The following MOGAT3 variants were observed in gnomAD, a reference collection of about 807,000 sequenced individuals.
The protein encoded by MOGAT3 is 2-acylglycerol O-acyltransferase 3.
In MOGAT3, 39 loss-of-function variants were observed where a neutral mutation model predicts 34.4. The ratio of observed to expected loss-of-function variants is 1.13; its 90% CI spans 0.88 to 1.48. The LOEUF is 1.48. Ranked by LOEUF, MOGAT3 falls within the 40% of genes most tolerant of loss-of-function variation. The probability of loss-of-function intolerance (pLI) is 0.00; values close to 1 mark genes in which losing one functional copy is unlikely to be tolerated. For synonymous variants in MOGAT3, 209 were observed against 179.2 expected, an observed-to-expected ratio of 1.17 and a Z score of -1.33; for missense variants, 439 against 438.9, an observed-to-expected ratio of 1.00 and a Z score of 0.00.
chr7:101,198,523 T>TGTCCTGG, intron 4 of MOGAT3, 103 bp downstream of exon 4: 1 of 1,304,822 alleles, frequency 7.7e-7, no homozygotes, highest in Non-Finnish European at 1.0e-6. Context: ...GGCTGGCCCC[T>TGTCCTGG]GTCCTGGGTG....
intron 3 of MOGAT3, 62 bp from the exon 4 acceptor site, chr7:101,198,892 G>T: frequency 6.9e-7 from 1 of 1,459,232 alleles, no homozygotes; most frequent in Non-Finnish European, 9.6e-7. Flanking sequence ...GAAAAGAGGG[G>T]CCCTCCACCC....
chr7:101,196,394 G>A lies in MOGAT3; in HGVS notation c.669-5C>T. 1 of 1,603,132 alleles carries A rather than the reference G, an allele frequency of 6.2e-7. No individual in the cohort carries two copies. The highest frequency in any genetic ancestry group is 8.5e-7 in the Non-Finnish European group (1 of 1,173,874). ...TACACGGGCACCAGGGACGCCCTGG[G>A]AAGGAGCAAGAGAGAAGAGGGGGCT... On this transcript the variant is annotated splice_region_variant and splice_polypyrimidine_tract_variant and intron_variant, in intron 5 of 6. Transcript: ENST00000223114.
Position 101,200,129 on chromosome 7 carries a change from C to T in MOGAT3, c.288+105G>A, listed in dbSNP as rs1287025288. 6 of 938,236 alleles carry T rather than the reference C, an allele frequency of 6.4e-6. No individual in the cohort carries two copies. The Admixed American group carries it at 9.0e-5, about 14-fold the overall frequency. The allele number at this position is 938,236 out of a possible 1,614,324, so 58.1% of individuals were successfully genotyped here. A position where few individuals can be genotyped will look rare whatever the true frequency, so the allele number is the denominator to read the frequency against. On this transcript the variant is annotated intron_variant, in intron 3 of 6. Coordinates refer to ENST00000223114, the MANE Select transcript of MOGAT3 (RefSeq NM_178176.4). ...TCCATTCCCTGTCCCACTGCCTGAG[C>T]TTAGGCAGCGGGGAGCTCAGGCCCC...
rs1470614671 is a variant in MOGAT3 at position 101,196,360 on chromosome 7, C to T, written c.698G>A (p.Gly233Glu). The T allele has an allele frequency of 6.2e-7, 1 of 1,613,328 alleles. No homozygotes were observed. The highest frequency in any genetic ancestry group is 8.5e-7 in the Non-Finnish European group (1 of 1,179,686). The stretch of plus-strand genomic sequence containing the variant: ...CTTAAGTCTAAAGATGTCATTCTCC[C>T]CAAAGGAGTACACGGGCACCAGGGA... ...GASLVPVYSF[G>E]ENDIFRLKAF... Residue 233 changes from glycine to glutamate, a missense_variant, in exon 6 of 7, where the codon GGG (glycine) becomes GAG (glutamate). Gly to Glu is a moderately conservative substitution (Grantham distance 98, BLOSUM62 -2). Transcript: ENST00000223114.
intron 5 of MOGAT3, among the ~76,000 whole-genome samples, chr7:101,197,307 C>T (rs980405049): frequency 1.4e-4 from 21 of 152,204 alleles, no homozygotes; most frequent in Non-Finnish European, 2.4e-4. Flanking sequence ...CTCAGCCTCC[C>T]GAATAGCTGA....
chr7:101,200,357 C>T lies in MOGAT3; in HGVS notation c.217+51G>A, dbSNP rs1264847119. 3.1e-6 allele frequency: 5 copies of T among 1,609,354 alleles called. No individual in the cohort carries two copies. The Admixed American group carries it at 8.3e-5, about 27-fold the overall frequency. On this transcript the variant is annotated intron_variant, in intron 2 of 6. Transcript: ENST00000223114. ...AACCCCCGGAGTCACCTCCCCTCACCCCCCATGTCCCCACCATCTCTGGCT... is the reference window on the plus strand; with the variant it reads ...AACCCCCGGAGTCACCTCCCCTCACTCCCCATGTCCCCACCATCTCTGGCT...
chr7:101,194,241 G>A (rs964242027), downstream of MOGAT3, among the ~76,000 whole-genome samples: 5 of 151,626 alleles, frequency 3.3e-5, no homozygotes, highest in Admixed American at 6.6e-5. Flanking sequence ...AGGCTGGAGT[G>A]CAATGGTGCG....
In MOGAT3 at chr7:101,196,195, G is replaced by C. The variant is rs1387484015; in HGVS notation, c.863C>G (p.Thr288Ser). The C allele has an allele frequency of 2.5e-5, 39 of 1,575,960 alleles. No homozygotes were observed. The highest frequency in any genetic ancestry group is 3.2e-5 in the Non-Finnish European group (37 of 1,160,426). ...WGLLPFAVPI[T>S]TVVGRPIPVP... ...CGGAGGTGGGCACTCACCCACAGTG[G>C]TGATGGGCACAGCAAAGGGCAGCAG... Residue 288 changes from threonine (T) to serine (S), a missense_variant, in exon 6 of 7, where the codon ACC becomes AGC. By Grantham distance (58) the Thr-to-Ser change is moderately conservative. Coordinates refer to ENST00000223114, the MANE Select transcript of MOGAT3 (RefSeq NM_178176.4).
intron 1 of MOGAT3, 46 bp from the exon 2 acceptor site, chr7:101,200,561 T>G (rs755396990): frequency 1.4e-6 from 2 of 1,472,152 alleles, no homozygotes; most frequent in Admixed American, 2.0e-5. Flanking sequence ...TGAAACTCCA[T>G]CATTCCCTCC....
intron 5 of MOGAT3, among the ~76,000 whole-genome samples, chr7:101,197,594 C>T (rs970441831): frequency 6.6e-6 from 1 of 152,114 alleles, no homozygotes; most frequent in African/African-American, 2.4e-5. Context: ...TATCAGCCCT[C>T]TTCGCAAGTA....
chr7:101,200,788 C>G lies in MOGAT3; in HGVS notation c.67G>C (p.Ala23Pro). Residue 23 changes from alanine to proline, a missense_variant, in exon 1 of 7, where the codon GCA becomes CCA. Transcript: ENST00000223114. ...SKTLQKQHLEAVGAYQYVLTF... is the reference protein window; with the variant it reads ...SKTLQKQHLEPVGAYQYVLTF... ...AGCACATATTGGTAGGCGCCCACTG[C>G]TTCTAGATGCTGCTTCTGCAAGGTT... 6.2e-7 allele frequency: 1 copy of G among 1,614,196 alleles called. No homozygotes were observed. Among genetic ancestry groups the G allele is most frequent in the Non-Finnish European group, 8.5e-7 (1 of 1,180,014 alleles).
At chr7:101,197,423 A>G (rs1797821478) in intron 5 of MOGAT3, among the ~76,000 whole-genome samples, 1 of 152,064 alleles carries the variant, frequency 6.6e-6, no homozygotes, top group African/African-American at 2.4e-5. Context: ...CCTGGCTTCA[A>G]GTGATCTTCC....
downstream of MOGAT3, among the ~76,000 whole-genome samples, chr7:101,194,158 T>C (rs1363827043): frequency 6.6e-6 from 1 of 151,394 alleles, no homozygotes; most frequent in African/African-American, 2.4e-5. Context: ...CACACCTGGC[T>C]AATTTCTAGA....
downstream of MOGAT3, chr7:101,194,866 T>A (rs1266230284): frequency 6.6e-6 from 1 of 152,280 alleles, no homozygotes. Context: ...TCCTGTTAAG[T>A]GCCCTTGACT....
rs186699255 is a variant in MOGAT3 at position 101,198,214 on chromosome 7, G to A, written c.645C>T (p.Phe215=). Residue 215 remains phenylalanine, a synonymous_variant, in exon 5 of 7, where the codon TTC becomes TTT. Coordinates refer to ENST00000223114, the MANE Select transcript of MOGAT3 (RefSeq NM_178176.4). ...ACCCGTGCCTCAGCGCCAGGCGCAC[G>A]AAGCCTTTGCGCTTCTGGAGCGTAA... ...HCLTLQKRKG[F]VRLALRHGAS... 19 of 1,612,942 alleles carry A rather than the reference G, an allele frequency of 1.2e-5. No homozygotes were observed. The highest frequency in any genetic ancestry group is 1.5e-5 in the Non-Finnish European group (18 of 1,179,434).
chr7:101,197,772 C>T (rs1198070087), intron 5 of MOGAT3, among the ~76,000 whole-genome samples: 2 of 152,006 alleles, frequency 1.3e-5, no homozygotes, highest in African/African-American at 4.8e-5. Context: ...TGGTGGTGGG[C>T]GCCTGTAGTC....
chr7:101,198,931 G>T, intron 3 of MOGAT3, 101 bp from the exon 4 acceptor site: 1 of 1,098,756 alleles, frequency 9.1e-7, no homozygotes, highest in Non-Finnish European at 1.4e-6. Context: ...AAGGTTCTTA[G>T]GATAGGGTCA....
At position 101,196,167 on chromosome 7, in the gene MOGAT3, C is replaced by G; in HGVS notation, c.871+20G>C. The G allele has an allele frequency of 6.4e-7, 1 of 1,570,070 alleles. No individual in the cohort carries two copies. Among genetic ancestry groups the G allele is most frequent in the Non-Finnish European group, 8.6e-7 (1 of 1,157,294 alleles). ...CCCACGCAGCTGCTGGTGGCCGTCC[C>G]CCCGGAGGTGGGCACTCACCCACAG... On this transcript the variant is annotated intron_variant, in intron 6 of 6. Transcript: ENST00000223114.
At position 101,196,081 on chromosome 7, in the gene MOGAT3, G is replaced by T; in HGVS notation, c.891C>A (p.Val297=). Reference sequence around the variant, plus strand: ...CCTCGGTGGGGTGGAGGCGCTGGGGGACGGGGATGGGGCGGCCCACTGCAG... The same window carrying T: ...CCTCGGTGGGGTGGAGGCGCTGGGGTACGGGGATGGGGCGGCCCACTGCAG... The part of the protein sequence containing the change: ...ITTVVGRPIP[V]PQRLHPTEEE... The change falls in exon 7 of 7, where the codon GTC becomes GTA. Residue 297 remains valine, a synonymous_variant. Coordinates refer to ENST00000223114, the MANE Select transcript of MOGAT3 (RefSeq NM_178176.4). 2 of 1,611,560 alleles carry T rather than the reference G, an allele frequency of 1.2e-6. No individual in the cohort carries two copies. Among genetic ancestry groups the T allele is most frequent in the East Asian group, 2.2e-5 (1 of 44,828 alleles).
Sources: allele counts gnomAD v4.1 joint callset (sites outside exome capture counted in the v4.1 genomes callset), GRCh38; gene constraint gnomAD v4.1.1; transcripts MANE v1.5; gene names NCBI Gene and HGNC (gene_info 2026-07-23, HGNC 2026-07-21).